Variants in POGZ observed in about 807,000 individuals in gnomAD.
The protein encoded by POGZ is pogo transposable element derived with ZNF domain.
A neutral mutation model predicts 134.6 loss-of-function variants in POGZ; 17 were observed. The observed-to-expected ratio is 0.13, with a 90% confidence interval of 0.09 to 0.19. The LOEUF (loss-of-function observed/expected upper bound fraction) is 0.19. Ranked by LOEUF, POGZ falls within the 10% of genes least tolerant of loss-of-function variation. The pLI is 1.00. For synonymous variants in POGZ, 693 were observed against 657.1 expected, an observed-to-expected ratio of 1.05 and a Z score of -0.84; for missense variants, 1,306 against 1,769.7, an observed-to-expected ratio of 0.74 and a Z score of 4.70.
intron 3 of POGZ, among the ~76,000 whole-genome samples, chr1:151,435,428 G>A (rs899607416): frequency 6.6e-6 from 1 of 151,870 alleles, no homozygotes; most frequent in African/African-American, 2.4e-5. Flanking sequence ...TTAAAATACT[G>A]AGTAGTAAAT....
chr1:151,432,973 T>A (rs779833929), intron 3 of POGZ, among the ~76,000 whole-genome samples: 10 of 152,226 alleles, frequency 6.6e-5, no homozygotes, highest in Non-Finnish European at 1.0e-4. Flanking sequence ...CTTTCTATCC[T>A]TTTGAAATTT....
chr1:151,433,579 G>C (rs1659076095), intron 3 of POGZ, among the ~76,000 whole-genome samples: 1 of 125,806 alleles, frequency 7.9e-6, no homozygotes, highest in African/African-American at 3.1e-5. Context: ...CTGCACTCCA[G>C]TCTGAGCAAT....
intron 10 of POGZ, 27 bp from the exon 11 acceptor site, chr1:151,412,423 T>C (rs1253924670): frequency 3.9e-6 from 5 of 1,285,500 alleles, no homozygotes; most frequent in Non-Finnish European, 5.6e-6. Context: ...AATCAATAAA[T>C]CCACTTGAAA....
At chr1:151,428,611 T>G (rs1421121506) in intron 5 of POGZ, among the ~76,000 whole-genome samples, 198 bp from the exon 6 acceptor site, 1 of 151,958 alleles carries the variant, frequency 6.6e-6, no homozygotes, top group Non-Finnish European at 1.5e-5. Flanking sequence ...CTAAAAACAT[T>G]AAGTTAAATA....
chr1:151,443,249 T>A (rs190969313), intron 1 of POGZ, among the ~76,000 whole-genome samples: 1 of 152,220 alleles, frequency 6.6e-6, no homozygotes, highest in Non-Finnish European at 1.5e-5. Context: ...CCTTTAAATT[T>A]TGCATCTAAG....
At chr1:151,438,508 G>A (rs1451363813) in intron 3 of POGZ, among the ~76,000 whole-genome samples, 1 of 152,024 alleles carries the variant, frequency 6.6e-6, no homozygotes, top group Admixed American at 6.6e-5. Context: ...TAGTACACTG[G>A]CCATAGGCAG....
Position 151,404,481 on chromosome 1 carries a change from TTTC to T in POGZ, c.*318_*320del. ...TAACATTTGCCCACAAATAATTTTT[TTTC>T]TTTTTCTTAATTTTGTCAGAAAAAT... is the stretch of plus-strand genomic sequence containing the variant. On this transcript the variant is annotated 3_prime_UTR_variant, in exon 19 of 19. Transcript: ENST00000271715. 9.7e-7 allele frequency: 1 copy of T among 1,032,714 alleles called. No homozygotes were observed. The highest frequency in any genetic ancestry group is 1.2e-6 in the Non-Finnish European group (1 of 859,366). The allele number at this position is 1,032,714 out of a possible 1,614,324, so 64.0% of individuals were successfully genotyped here. A position where few individuals can be genotyped will look rare whatever the true frequency, so the allele number is the denominator to read the frequency against.
At position 151,403,597 on chromosome 1, in the gene POGZ, T is replaced by C. The variant is rs1653076338; in HGVS notation, c.*1205A>G. On this transcript the variant is annotated 3_prime_UTR_variant, in exon 19 of 19. Coordinates refer to ENST00000271715, the MANE Select transcript of POGZ (RefSeq NM_015100.4). ...CATGCAAATTGTAGAAAAAATTTTC[T>C]TTCCTTGAAGCTGGCAGTGAAAAAT... The C allele has an allele frequency of 4.1e-6, 4 of 985,846 alleles. No homozygotes were observed. The highest frequency in any genetic ancestry group is 4.8e-6 in the Non-Finnish European group (4 of 829,916). 61.1% of individuals were successfully genotyped at this position (985,846 alleles called of 1,614,324 possible).
chr1:151,442,679 C>T (rs1391916534), intron 1 of POGZ, among the ~76,000 whole-genome samples: 1 of 104,054 alleles, frequency 9.6e-6, no homozygotes, highest in Non-Finnish European at 2.0e-5. Flanking sequence ...ACACTGCACT[C>T]CAGCCTGGGG....
chr1:151,453,123 T>C (rs993515097), intron 1 of POGZ, among the ~76,000 whole-genome samples: 1 of 151,908 alleles, frequency 6.6e-6, no homozygotes, highest in Non-Finnish European at 1.5e-5. Flanking sequence ...GGTTTCACCA[T>C]GTTGGTCAGG....
At chr1:151,440,891 T>C (rs201418770) in intron 3 of POGZ, 37 bp downstream of exon 3, 239 of 1,588,246 alleles carry the variant, frequency 1.5e-4, no homozygotes, top group Non-Finnish European at 2.0e-4. Flanking sequence ...TTCACCCCTC[T>C]AGCCCAGGAT....
In POGZ at chr1:151,404,261, GAA is replaced by G. The variant is rs1653185674; in HGVS notation, c.*539_*540del. The G allele has an allele frequency of 2.0e-6, 2 of 983,450 alleles. No individual in the cohort carries two copies. The highest frequency in any genetic ancestry group is 4.7e-5 in the South Asian group (1 of 21,228). The allele number at this position is 983,450 out of a possible 1,614,324, so 60.9% of individuals were successfully genotyped here. ...TATATAAAAGTGTTAAGACCACAAT[GAA>G]AAAAGTTTTTTATCCATATATATAA... On this transcript the variant is annotated 3_prime_UTR_variant, in exon 19 of 19. Coordinates refer to ENST00000271715, the MANE Select transcript of POGZ (RefSeq NM_015100.4).
At chr1:151,428,812 C>T (rs1420031741) in intron 5 of POGZ, among the ~76,000 whole-genome samples, 1 of 152,126 alleles carries the variant, frequency 6.6e-6, no homozygotes, top group East Asian at 1.9e-4. Context: ...AGTCTTCCAT[C>T]CTCTTCTATC....
rs906718878 is a variant in POGZ at position 151,404,041 on chromosome 1, G to A, written c.*761C>T. ...CACAAGTGCAAAAAATATTGTTTAT[G>A]TCATGTTTTGGAGGGAAGGTGGTGA... On this transcript the variant is annotated 3_prime_UTR_variant, in exon 19 of 19. Transcript: ENST00000271715. The A allele has an allele frequency of 1.0e-5, 10 of 985,210 alleles. No individual in the cohort carries two copies. The highest frequency in any genetic ancestry group is 6.1e-5 in the Admixed American group (1 of 16,264). 61.0% of individuals were successfully genotyped at this position (985,210 alleles called of 1,614,324 possible). A position where few individuals can be genotyped will look rare whatever the true frequency, so the allele number is the denominator to read the frequency against.
At chr1:151,443,670 C>T (rs985958771) in intron 1 of POGZ, among the ~76,000 whole-genome samples, 17 of 152,082 alleles carry the variant, frequency 1.1e-4, no homozygotes, top group African/African-American at 2.7e-4. Context: ...CCACAATTCA[C>T]GCCACTGCAC....
At chr1:151,458,910 C>A (rs1364523005) in intron 1 of POGZ, among the ~76,000 whole-genome samples, 1 of 145,296 alleles carries the variant, frequency 6.9e-6, no homozygotes, top group Non-Finnish European at 1.5e-5. Context: ...CTCCCGCGGC[C>A]CGGGGCGCAC....
At chr1:151,422,056 T>A (rs150156562) in intron 10 of POGZ, among the ~76,000 whole-genome samples, 300 of 152,280 alleles carry the variant, frequency 2.0e-3, no homozygotes, top group African/African-American at 7.0e-3. Context: ...GTCCTTATTG[T>A]TTAATTCATT....
intron 10 of POGZ, among the ~76,000 whole-genome samples, chr1:151,422,377 A>G (rs1657054751): frequency 6.6e-6 from 1 of 152,238 alleles, no homozygotes. Context: ...CCCGTAAAGG[A>G]CATGAGAAGT....
In POGZ at chr1:151,406,202, G is replaced by T. The variant is rs753324949; in HGVS notation, c.2833C>A (p.Gln945Lys). 6.2e-7 allele frequency: 1 copy of T among 1,614,164 alleles called. No individual in the cohort carries two copies. Among genetic ancestry groups the T allele is most frequent in the Non-Finnish European group, 8.5e-7 (1 of 1,180,026 alleles). The change falls in exon 19 of 19, where the codon CAG becomes AAG. Residue 945 changes from glutamine to lysine, a missense_variant. Physicochemically the swap from Gln to Lys is moderately conservative, Grantham distance 53. Around this residue, in one of 10 missense-constraint regions of POGZ, gnomAD observed 214 missense variants for 255.5 expected, o/e 0.84. Transcript: ENST00000271715. Reference sequence around the variant, plus strand: ...TGGGTGACTGGGCTCCCTTCATCCTGATCATCAACATTCAGACATTCGGCT... The same window carrying T: ...TGGGTGACTGGGCTCCCTTCATCCTTATCATCAACATTCAGACATTCGGCT... ...EGAECLNVDDQDEGSPVTQEP... is the reference protein window; with the variant it reads ...EGAECLNVDDKDEGSPVTQEP...
Sources: gnomAD v4.1 joint callset for allele counts (sites outside exome capture counted in the v4.1 genomes callset) on GRCh38, gnomAD v4.1.1 for gene constraint, gnomAD v4.1.1 regional missense constraint, MANE v1.5 for transcripts, NCBI Gene and HGNC (gene_info 2026-07-23, HGNC 2026-07-21) for gene names.